SAMD12: variants seen among roughly 807,000 people sequenced by gnomAD.
The protein encoded by SAMD12 is sterile alpha motif domain-containing protein 12.
SAMD12 carries 9 observed loss-of-function variants against 15.0 expected under a neutral mutation model. That is an observed-to-expected ratio of 0.60 (90% CI 0.36 to 1.05). The LOEUF is 1.05. Ranked by LOEUF, SAMD12 falls within the 50% of genes least tolerant of loss-of-function variation. The probability of loss-of-function intolerance (pLI) is 0.01; values close to 1 mark genes in which losing one functional copy is unlikely to be tolerated. For missense variants in SAMD12, 230 were observed against 234.2 expected, an observed-to-expected ratio of 0.98 and a Z score of 0.12; for synonymous variants, 86 against 90.1, an observed-to-expected ratio of 0.96 and a Z score of 0.25.
chr8:118,268,065 C>A lies in SAMD12; in HGVS notation c.434-70333G>T, dbSNP rs372387123. On this transcript the variant is annotated intron_variant, in intron 4 of 4. Coordinates refer to the SAMD12 transcript ENST00000409003. ...CGAGATCATGCCATTGCACTCCAGC[C>A]TGGGCAACAGAGCAAGGCTTCATCT... Among the ~76,000 whole-genome samples the A allele has an allele frequency of 9.9e-5, 15 of 152,284 alleles. No individual in the cohort carries two copies. In the East Asian group the frequency reaches 1.2e-3, roughly 12 times the overall value.
chr8:118,570,483 A>C (rs993895656), intron 2 of SAMD12, among the ~76,000 whole-genome samples: 2 of 152,056 alleles, frequency 1.3e-5, no homozygotes, highest in Non-Finnish European at 2.9e-5. Flanking sequence ...TTCCTGTGTT[A>C]ATTTACTAAG....
chr8:118,235,998 C>G (rs1451865456), intron 4 of SAMD12, among the ~76,000 whole-genome samples: 3 of 152,100 alleles, frequency 2.0e-5, no homozygotes, highest in African/African-American at 7.2e-5. Context: ...CTCTTTAAGC[C>G]TCTTAAATGA....
rs180945776 is a variant in SAMD12, at chr8:118,429,442, A to G, written c.322+10390T>C. Among the ~76,000 whole-genome samples the G allele has an allele frequency of 7.2e-5, 11 of 152,340 alleles. No individual in the cohort carries two copies. In the East Asian group the frequency reaches 2.1e-3, roughly 29 times the overall value. The stretch of plus-strand genomic sequence containing the variant: ...ACTGAAAACACTTCTGGTTCCATGT[A>G]TTCTAGACAACACTCCAACTCTAGA... On this transcript the variant is annotated intron_variant, in intron 3 of 3. Coordinates refer to ENST00000314727, the MANE Select transcript of SAMD12 (RefSeq NM_207506.3).
intron 3 of SAMD12, among the ~76,000 whole-genome samples, chr8:118,415,994 C>CT (rs372293089): frequency 4.0e-5 from 6 of 151,650 alleles, no homozygotes; most frequent in Non-Finnish European, 5.9e-5. Flanking sequence ...GGCTTTCCCC[C>CT]TTTTTTTTTC....
intron 4 of SAMD12, among the ~76,000 whole-genome samples, chr8:118,368,510 GC>G (rs200444185): frequency 0.011 from 1,633 of 152,262 alleles, 13 homozygotes; most frequent in Non-Finnish European, 0.019. Flanking sequence ...ATGTTTAAGA[GC>G]CCTTGCCATT....
chr8:118,418,916 G>C (rs1821857395), intron 3 of SAMD12, among the ~76,000 whole-genome samples: 1 of 152,072 alleles, frequency 6.6e-6, no homozygotes, highest in Non-Finnish European at 1.5e-5. Context: ...CTCAAAAAAG[G>C]ATTACTGTAT....
chr8:118,138,933 GC>G, the SAMD12 span, among the ~76,000 whole-genome samples: 1 of 152,140 alleles, frequency 6.6e-6, no homozygotes, highest in Non-Finnish European at 1.5e-5. Flanking sequence ...AAGGAGAGTG[GC>G]CCTCTTCCCT....
intron 2 of SAMD12, among the ~76,000 whole-genome samples, chr8:118,553,225 G>T (rs1294254088): frequency 2.6e-5 from 4 of 151,978 alleles, no homozygotes; most frequent in South Asian, 2.1e-4. Flanking sequence ...CATCGCCAAG[G>T]CAATCCTAAG....
At chr8:118,556,321 A>T (rs758129595) in intron 2 of SAMD12, among the ~76,000 whole-genome samples, 44 of 152,208 alleles carry the variant, frequency 2.9e-4, no homozygotes, top group Non-Finnish European at 4.0e-4. Context: ...CTATACTCTC[A>T]GCATGGTCTT....
At chr8:118,384,720 T>C (rs1020831092) in intron 3 of SAMD12, among the ~76,000 whole-genome samples, 1 of 152,212 alleles carries the variant, frequency 6.6e-6, no homozygotes, top group African/African-American at 2.4e-5. Flanking sequence ...TGCAGAAGAA[T>C]AAACACGACA....
Position 118,378,358 on chromosome 8 carries a change from A to G in SAMD12, c.*1059T>C. 1.1e-6 allele frequency: 1 copy of G among 931,592 alleles called. No homozygotes were observed. The highest frequency in any genetic ancestry group is 1.3e-6 in the Non-Finnish European group (1 of 780,930). 57.7% of individuals were successfully genotyped at this position (931,592 alleles called of 1,614,324 possible). A position where few individuals can be genotyped will look rare whatever the true frequency, so the allele number is the denominator to read the frequency against. On this transcript the variant is annotated 3_prime_UTR_variant, in exon 4 of 4. Transcript: ENST00000314727. ...TATCTACTTCTTAAAAGAAGCTTAA[A>G]AGCCTATCAGTATTTCACATTCAAA...
At chr8:118,543,266 C>T (rs1159118730) in intron 2 of SAMD12, among the ~76,000 whole-genome samples, 1 of 152,144 alleles carries the variant, frequency 6.6e-6, no homozygotes, top group East Asian at 1.9e-4. Flanking sequence ...ACCCACTTCC[C>T]ACACTCACGA....
At chr8:118,301,719 G>T (rs572209992) in intron 4 of SAMD12, among the ~76,000 whole-genome samples, 1 of 152,158 alleles carries the variant, frequency 6.6e-6, no homozygotes, top group Non-Finnish European at 1.5e-5. Context: ...AAGTCTTACA[G>T]GCTCCTGAAC....
At chr8:118,263,726 T>C (rs947473708) in intron 4 of SAMD12, among the ~76,000 whole-genome samples, 13 of 152,002 alleles carry the variant, frequency 8.6e-5, no homozygotes, top group Admixed American at 2.0e-4. Context: ...AATGGAAGAA[T>C]TGTATATGTA....
intron 4 of SAMD12, among the ~76,000 whole-genome samples, chr8:118,270,154 G>C (rs1813316935): frequency 6.6e-6 from 1 of 152,104 alleles, no homozygotes; most frequent in Admixed American, 6.6e-5. Context: ...TCCCTAAATG[G>C]ATTTGAGGTT....
Position 118,269,832 on chromosome 8 carries a change from G to C in SAMD12, c.434-72100C>G, listed in dbSNP as rs1265254744. Among the ~76,000 whole-genome samples, 4 of 152,036 alleles carry C rather than the reference G, an allele frequency of 2.6e-5. No individual in the cohort carries two copies. In the East Asian group the frequency reaches 7.7e-4, roughly 29 times the overall value. ...ACACCTGCACCCCCCTTCCTTCCTA[G>C]TTGCAGATGGAATCCATCTTTGTGT... On this transcript the variant is annotated intron_variant, in intron 4 of 4. Coordinates refer to the SAMD12 transcript ENST00000409003.
intron 2 of SAMD12, among the ~76,000 whole-genome samples, chr8:118,469,345 G>T (rs1014193104): frequency 6.8e-6 from 1 of 147,022 alleles, no homozygotes; most frequent in Non-Finnish European, 1.5e-5. Flanking sequence ...GAGTCTATTT[G>T]CCTAGCCTGT....
intron 4 of SAMD12, among the ~76,000 whole-genome samples, chr8:118,253,468 CT>C (rs1812864980): frequency 1.3e-5 from 2 of 152,264 alleles, no homozygotes; most frequent in African/African-American, 4.8e-5. Flanking sequence ...AATGTCCTAC[CT>C]TTTTGTATTT....
chr8:118,281,517 T>C (rs762238671), intron 4 of SAMD12, among the ~76,000 whole-genome samples: 1 of 152,214 alleles, frequency 6.6e-6, no homozygotes, highest in African/African-American at 2.4e-5. Context: ...TTAATAGATA[T>C]AGACATTTTT....
Sources: allele counts gnomAD v4.1 joint callset (sites outside exome capture counted in the v4.1 genomes callset), GRCh38; gene constraint gnomAD v4.1.1; transcripts MANE v1.5; gene names NCBI Gene and HGNC (gene_info 2026-07-23, HGNC 2026-07-21).